Variants in ATP8B4 observed in about 807,000 individuals in gnomAD.
The protein encoded by ATP8B4 is probable phospholipid-transporting ATPase IM.
In ATP8B4, 133 loss-of-function variants were observed where a neutral mutation model predicts 145.6. That is an observed-to-expected ratio of 0.91 (90% confidence interval 0.79 to 1.05). ATP8B4 has a LOEUF of 1.05. Among genes scored for constraint, ATP8B4 ranks in the 50% least tolerant of loss-of-function variants. The pLI is 0.00. For missense variants in ATP8B4, 1,458 were observed against 1,425.2 expected (o/e 1.02, Z -0.37); for synonymous variants, 507 against 492.9 (o/e 1.03, Z -0.38).
chr15:50,127,826 C>T (rs1041664542), intron 1 of ATP8B4, among the ~76,000 whole-genome samples: 19 of 152,082 alleles, frequency 1.2e-4, no homozygotes, highest in African/African-American at 4.6e-4. Context: ...GGGAGAGGAA[C>T]AAACACCAGT....
At chr15:50,149,083 G>A (rs912415624) in intron 1 of ATP8B4, among the ~76,000 whole-genome samples, 3 of 152,154 alleles carry the variant, frequency 2.0e-5, no homozygotes, top group African/African-American at 7.2e-5. Flanking sequence ...CAATACTACA[G>A]AGATGATAAG....
intron 3 of ATP8B4, among the ~76,000 whole-genome samples, chr15:50,072,947 TC>T (rs2053862403): frequency 7.5e-5 from 2 of 26,794 alleles, no homozygotes; most frequent in Non-Finnish European, 1.3e-4. Flanking sequence ...TCTCTCTCTC[TC>T]TCTCTCTCTC....
intron 20 of ATP8B4, among the ~76,000 whole-genome samples, chr15:49,914,743 T>C (rs1017931844): frequency 6.6e-6 from 1 of 152,108 alleles, no homozygotes; most frequent in Non-Finnish European, 1.5e-5. Flanking sequence ...ATCAGAGACA[T>C]GCAAATCAAA....
intron 1 of ATP8B4, among the ~76,000 whole-genome samples, chr15:50,136,175 G>A (rs1378476131): frequency 6.6e-6 from 1 of 152,086 alleles, no homozygotes; most frequent in Non-Finnish European, 1.5e-5. Context: ...GATTTATGAG[G>A]GCCGTGTGTC....
chr15:49,868,428 A>T (rs2033151530), intron 25 of ATP8B4, among the ~76,000 whole-genome samples: 1 of 152,252 alleles, frequency 6.6e-6, no homozygotes, highest in Admixed American at 6.5e-5. Flanking sequence ...AAATTACTCA[A>T]GGATATTTCT....
At chr15:50,006,649 C>T (rs947838491) in intron 7 of ATP8B4, among the ~76,000 whole-genome samples, 1 of 152,058 alleles carries the variant, frequency 6.6e-6, no homozygotes, top group African/African-American at 2.4e-5. Context: ...CTATCATTTC[C>T]GAAGAATAAA....
intron 20 of ATP8B4, among the ~76,000 whole-genome samples, chr15:49,912,456 T>C (rs2039328742): frequency 6.6e-6 from 1 of 152,076 alleles, no homozygotes; most frequent in South Asian, 2.1e-4. Flanking sequence ...TGCAAACTTC[T>C]AAGATTGAAT....
chr15:50,028,174 C>T (rs1470750500), intron 6 of ATP8B4, among the ~76,000 whole-genome samples: 1 of 152,116 alleles, frequency 6.6e-6, no homozygotes, highest in African/African-American at 2.4e-5. Context: ...TTTTTACAGC[C>T]CCCAAATTTC....
At chr15:50,011,248 C>T (rs967807191) in intron 6 of ATP8B4, among the ~76,000 whole-genome samples, 3 of 152,132 alleles carry the variant, frequency 2.0e-5, no homozygotes, top group African/African-American at 7.2e-5. Flanking sequence ...TCTTTTCCAA[C>T]TCGATTGATA....
intron 2 of ATP8B4, among the ~76,000 whole-genome samples, chr15:50,076,815 A>G (rs73400825): frequency 0.025 from 3,804 of 152,332 alleles, 150 homozygotes; most frequent in African/African-American, 0.088. Flanking sequence ...TAAGTTCTGC[A>G]AAATACTGGC....
intron 3 of ATP8B4, among the ~76,000 whole-genome samples, chr15:50,054,783 C>CAAAAAAAA (rs55783703): frequency 8.6e-5 from 7 of 81,838 alleles, no homozygotes; most frequent in South Asian, 5.3e-4. Context: ...GACTCCGCCT[C>CAAAAAAAA]AAAAAAAAAA....
chr15:50,108,376 C>A (rs776584149), intron 1 of ATP8B4, among the ~76,000 whole-genome samples: 6 of 152,128 alleles, frequency 3.9e-5, no homozygotes, highest in Admixed American at 3.3e-4. Flanking sequence ...TCATGTCACA[C>A]CCCTGCTAAA....
intron 9 of ATP8B4, among the ~76,000 whole-genome samples, chr15:49,991,439 T>A (rs1274878603): frequency 6.6e-6 from 1 of 152,208 alleles, no homozygotes; most frequent in East Asian, 1.9e-4. Flanking sequence ...ATCCGGGGTT[T>A]TCCCCAAGGA....
chr15:50,120,964 C>T (rs984426507), upstream of ATP8B4, among the ~76,000 whole-genome samples: 5 of 151,978 alleles, frequency 3.3e-5, no homozygotes, highest in Non-Finnish European at 7.4e-5. Flanking sequence ...TAAAACAGTG[C>T]CTGGAGCAAA....
In ATP8B4 at chr15:49,979,792, AG is replaced by A. The variant is rs752797885; in HGVS notation, c.858del (p.Leu287TrpfsTer7). On this transcript the variant is annotated frameshift_variant, in exon 12 of 28. Transcript: ENST00000284509. LOFTEE classifies it high-confidence loss of function. ...TTTCCTATTGCAAGAATAATTCCCA[AG>A]CATATCAGAAACCCAAAAATCTGAA... ...LVLWIFGFLICLGIILAIGNS... is the reference protein window; with the variant it reads ...LVLWIFGFLIXLGIILAIGNS... 1.9e-6 allele frequency: 3 copies of A among 1,592,456 alleles called. No homozygotes were observed. The highest frequency in any genetic ancestry group is 2.6e-6 in the Non-Finnish European group (3 of 1,167,606).
intron 3 of ATP8B4, among the ~76,000 whole-genome samples, chr15:50,061,612 C>T (rs1033938594): frequency 6.6e-6 from 1 of 152,140 alleles, no homozygotes; most frequent in Admixed American, 6.5e-5. Flanking sequence ...GCATTCAATT[C>T]CAGTATACCC....
At chr15:50,158,088 G>A (rs1270300755) in intron 1 of ATP8B4, among the ~76,000 whole-genome samples, 8 of 152,170 alleles carry the variant, frequency 5.3e-5, no homozygotes, top group Admixed American at 1.3e-4. Flanking sequence ...GTGCAGTGGC[G>A]TGATCTCGGC....
Position 50,172,697 on chromosome 15 carries a change from G to A in ATP8B4, c.-43+9564C>T, listed in dbSNP as rs556270558. ...GGCCGTCATCCCATCTAGGAAGTGA[G>A]GAGCGTCTCTGCCTGGCTGCCCATC... On this transcript the variant is annotated intron_variant, in intron 1 of 3. Coordinates refer to the ATP8B4 transcript ENST00000558829. Among the ~76,000 whole-genome samples the A allele has an allele frequency of 3.3e-5, 5 of 152,142 alleles. No homozygotes were observed. The East Asian group carries it at 9.7e-4, about 29-fold the overall frequency.
intron 7 of ATP8B4, chr15:50,009,734 T>G (rs2048585643): frequency 2.2e-6 from 1 of 452,486 alleles, no homozygotes; most frequent in African/African-American, 2.0e-5. Flanking sequence ...AGTAAATAGA[T>G]TGCGAGTGAG....
Sources: gnomAD v4.1 joint callset for allele counts (sites outside exome capture counted in the v4.1 genomes callset) on GRCh38, gnomAD v4.1.1 for gene constraint, MANE v1.5 for transcripts, NCBI Gene and HGNC (gene_info 2026-07-23, HGNC 2026-07-21) for gene names.